FHDC1: variants seen among roughly 807,000 people sequenced by gnomAD.
FHDC1 encodes FH2 domain-containing protein 1.
In FHDC1, 25 loss-of-function variants were observed where a neutral mutation model predicts 52.6. That is an observed-to-expected ratio of 0.48 (90% CI 0.35 to 0.66). The LOEUF (loss-of-function observed/expected upper bound fraction) is 0.66. Among genes scored for constraint, FHDC1 ranks in the 30% least tolerant of loss-of-function variants. The probability of loss-of-function intolerance (pLI) is 0.01; values close to 1 mark genes in which losing one functional copy is unlikely to be tolerated. For missense variants in FHDC1, 1,459 were observed against 1,452.8 expected (o/e 1.00, Z -0.07); for synonymous variants, 616 against 581.5 (o/e 1.06, Z -0.85).
At chr4:152,937,590 G>T (rs919109055) in intron 1 of FHDC1, among the ~76,000 whole-genome samples, 1 of 151,688 alleles carries the variant, frequency 6.6e-6, no homozygotes, top group Non-Finnish European at 1.5e-5. Flanking sequence ...TCGGCGCTGC[G>T]GAAGGCCGAG....
intron 2 of FHDC1, among the ~76,000 whole-genome samples, chr4:152,951,232 T>C (rs1739916631): frequency 6.6e-6 from 1 of 152,244 alleles, no homozygotes; most frequent in South Asian, 2.1e-4. Flanking sequence ...ATACAGATTC[T>C]TATGCATGGC....
At chr4:152,949,118 T>TAAGAAGAAG (rs758697130) in intron 2 of FHDC1, among the ~76,000 whole-genome samples, 763 of 75,688 alleles carry the variant, frequency 0.01, 3 homozygotes, top group East Asian at 0.015. Context: ...ATAATAATAA[T>TAAGAAGAAG]AATAATAAGA....
At chr4:152,928,399 G>A in the FHDC1 span, among the ~76,000 whole-genome samples, 19 of 152,074 alleles carry the variant, frequency 1.2e-4, no homozygotes, top group East Asian at 2.9e-3. Flanking sequence ...TTGGTTTCTC[G>A]TTCTACTCCA....
chr4:152,956,742 C>T (rs1010264114), intron 4 of FHDC1, among the ~76,000 whole-genome samples: 12 of 152,222 alleles, frequency 7.9e-5, no homozygotes, highest in Non-Finnish European at 1.3e-4. Flanking sequence ...TTTCTCCCCA[C>T]AACCTCCTGC....
chr4:152,968,272 A>G (rs1464507644), intron 10 of FHDC1, among the ~76,000 whole-genome samples, 175 bp downstream of exon 10: 1 of 152,076 alleles, frequency 6.6e-6, no homozygotes, highest in South Asian at 2.1e-4. Context: ...GAGGATGTTA[A>G]ATGTGATCTA....
Position 152,943,119 on chromosome 4 carries a change from C to T in FHDC1, c.62C>T (p.Ala21Val). 6.2e-7 allele frequency: 1 copy of T among 1,614,102 alleles called. No individual in the cohort carries two copies. The highest frequency in any genetic ancestry group is 8.5e-7 in the Non-Finnish European group (1 of 1,179,998). The change falls in exon 2 of 12, where the codon GCA (alanine) becomes GTA (valine). Residue 21 changes from alanine to valine, a missense_variant. Physicochemically the swap from Ala to Val is moderately conservative, Grantham distance 64 (BLOSUM62 0). This residue lies in a region of FHDC1 where 513 missense variants were observed against 581.5 expected (regional missense o/e 0.88). Coordinates refer to ENST00000511601, the MANE Select transcript of FHDC1 (RefSeq NM_001371116.1). Reference sequence around the variant, plus strand: ...AAAGAAAATGGGAATATTGCCACAGCACCTGGATTCATGATTGGGCAGACA... The same window carrying T: ...AAAGAAAATGGGAATATTGCCACAGTACCTGGATTCATGATTGGGCAGACA... Reference protein sequence around the residue: ...SDKENGNIATAPGFMIGQTPP... With the variant: ...SDKENGNIATVPGFMIGQTPP...
intron 2 of FHDC1, 115 bp from the exon 3 acceptor site, chr4:152,953,384 G>T: frequency 1.3e-6 from 1 of 755,564 alleles, no homozygotes; most frequent in Non-Finnish European, 2.2e-6. Flanking sequence ...TTTATACATT[G>T]GGAATTATTC....
chr4:152,967,048 A>G (rs1480339468), intron 9 of FHDC1, among the ~76,000 whole-genome samples: 1 of 152,142 alleles, frequency 6.6e-6, no homozygotes, highest in Non-Finnish European at 1.5e-5. Context: ...TGAGCCCAGG[A>G]GGTCAGTGCT....
chr4:152,939,313 T>C (rs4696367), intron 1 of FHDC1, among the ~76,000 whole-genome samples: 3,541 of 152,180 alleles, frequency 0.023, 187 homozygotes, highest in Admixed American at 0.13. Context: ...TGTGTGTGTA[T>C]TTTAGTAGAG....
chr4:152,975,892 G>C lies in FHDC1; in HGVS notation c.2601G>C (p.Leu867=), dbSNP rs2149963678. Residue 867 remains leucine, a synonymous_variant, in exon 12 of 12, where the codon CTG becomes CTC. Transcript: ENST00000511601. ...TTGTAGCACCAAAGAGAGGCTCCCT[G>C]AAAGAGGCGTCTCCCGGGGCCTCCA... ...KDVVAPKRGS[L]KEASPGASKP... is the part of the protein sequence containing the mutation. 1.3e-6 allele frequency: 2 copies of C among 1,514,324 alleles called. No individual in the cohort carries two copies. The highest frequency in any genetic ancestry group is 2.7e-5 in the South Asian group (2 of 73,530). 93.8% of individuals were successfully genotyped at this position (1,514,324 alleles called of 1,614,324 possible).
chr4:152,930,997 ACTCT>A, the FHDC1 span, among the ~76,000 whole-genome samples: 3,570 of 112,874 alleles, frequency 0.032, 56 homozygotes, highest in East Asian at 0.08. Flanking sequence ...ACACACACAC[ACTCT>A]CTCTCTCTCT....
chr4:152,976,847 T>G lies in FHDC1; in HGVS notation c.*124T>G. 7.8e-7 allele frequency: 1 copy of G among 1,285,770 alleles called. No homozygotes were observed. The highest frequency in any genetic ancestry group is 1.0e-6 in the Non-Finnish European group (1 of 965,614). The allele number at this position is 1,285,770 out of a possible 1,614,324, so 79.6% of individuals were successfully genotyped here. A position where few individuals can be genotyped will look rare whatever the true frequency, so the allele number is the denominator to read the frequency against. The stretch of plus-strand genomic sequence containing the variant: ...AAGCAGCCACTGGTGCCACTGCTAG[T>G]GACGCTGTTGGGATGGCACAGTCCA... On this transcript the variant is annotated 3_prime_UTR_variant, in exon 12 of 12. Coordinates refer to ENST00000511601, the MANE Select transcript of FHDC1 (RefSeq NM_001371116.1).
intron 2 of FHDC1, among the ~76,000 whole-genome samples, chr4:152,947,843 G>A (rs1408987713): frequency 6.6e-6 from 1 of 151,950 alleles, no homozygotes; most frequent in Non-Finnish European, 1.5e-5. Flanking sequence ...AGAAGGGAAG[G>A]ATGGAAGGAA....
At chr4:152,928,079 C>A in the FHDC1 span, 1 of 1,352,112 alleles carries the variant, frequency 7.4e-7, no homozygotes, top group Non-Finnish European at 1.1e-6. Flanking sequence ...TATCAGCATC[C>A]TCCCAGGCCT....
In FHDC1 at chr4:152,944,396, C is replaced by CACA. The variant is rs144802822; in HGVS notation, c.498+861_498+863dup. 5.6e-3 allele frequency among the ~76,000 whole-genome samples: 853 copies of CACA among 151,616 alleles called. 19 individuals carry two copies. Among genetic ancestry groups the CACA allele is most frequent in the East Asian group, 3.3e-3 (17 of 5,174 alleles). On this transcript the variant is annotated intron_variant, in intron 2 of 11. Transcript: ENST00000511601. ...GCCCCGCCCACATGCACACACAAAGCACAACAACAACAACAACAACAAAAC... is the reference window on the plus strand; with the variant it reads ...GCCCCGCCCACATGCACACACAAAGCACAACAACAACAACAACAACAACAAAAC...
chr4:152,975,574 C>T lies in FHDC1; in HGVS notation c.2283C>T (p.Asp761=), dbSNP rs1740836001. The T allele has an allele frequency of 4.3e-6, 7 of 1,613,592 alleles. No homozygotes were observed. Among genetic ancestry groups the T allele is most frequent in the African/African-American group, 1.3e-5 (1 of 75,052 alleles). The part of the protein sequence containing the change: ...SAALGSVGSS[D]PENKDPRPLF... ...CTTTGGGATCTGTGGGTAGCAGCGA[C>T]CCTGAGAACAAAGATCCTAGACCTC... The change falls in exon 12 of 12, where the codon GAC becomes GAT. Residue 761 remains aspartate, a synonymous_variant. Coordinates refer to ENST00000511601, the MANE Select transcript of FHDC1 (RefSeq NM_001371116.1).
intron 6 of FHDC1, among the ~76,000 whole-genome samples, chr4:152,961,921 G>A (rs1740292617): frequency 6.6e-6 from 1 of 152,122 alleles, no homozygotes; most frequent in African/African-American, 2.4e-5. Flanking sequence ...GCAAACTTGT[G>A]GGCATGGTAG....
chr4:152,968,594 T>G (rs1331807380), intron 10 of FHDC1, among the ~76,000 whole-genome samples: 1 of 152,182 alleles, frequency 6.6e-6, no homozygotes, highest in Non-Finnish European at 1.5e-5. Context: ...CCTCCCAAAG[T>G]GCTGGGATTA....
rs561231269 is a variant in FHDC1, at chr4:152,975,923, G to A, written c.2632G>A (p.Gly878Arg). The A allele has an allele frequency of 1.3e-6, 2 of 1,514,280 alleles. No homozygotes were observed. Among genetic ancestry groups the A allele is most frequent in the East Asian group, 2.3e-5 (1 of 44,010 alleles). 93.8% of individuals were successfully genotyped at this position (1,514,280 alleles called of 1,614,324 possible). Residue 878 changes from glycine (G) to arginine (R), a missense_variant, in exon 12 of 12, where the codon GGG (glycine) becomes AGG (arginine). Gly to Arg is a moderately radical substitution (Grantham distance 125). Transcript: ENST00000511601. The part of the protein sequence containing the change: ...KEASPGASKP[G>R]SARRSQGAVA... ...GGCGTCTCCCGGGGCCTCCAAGCCC[G>A]GGAGCGCCCGGCGGAGCCAGGGGGC...
Sources: allele counts gnomAD v4.1 joint callset (sites outside exome capture counted in the v4.1 genomes callset), GRCh38; gene constraint gnomAD v4.1.1; regional missense constraint gnomAD v4.1.1; transcripts MANE v1.5; gene names NCBI Gene and HGNC (gene_info 2026-07-23, HGNC 2026-07-21).